Variants in ZNF236 observed in about 807,000 individuals in gnomAD.
ZNF236 encodes the protein regulated by glucose.
In ZNF236, 50 loss-of-function variants were observed where a neutral mutation model predicts 191.2. The observed-to-expected ratio is 0.26, with a 90% CI of 0.21 to 0.33. The LOEUF (loss-of-function observed/expected upper bound fraction) is 0.33, where lower values mean the gene tolerates loss of function less well. Ranked by LOEUF, ZNF236 falls within the 10% of genes least tolerant of loss-of-function variation. The probability of loss-of-function intolerance (pLI) is 1.00; values close to 1 mark genes in which losing one functional copy is unlikely to be tolerated. For missense variants in ZNF236, 1,754 were observed against 2,374.5 expected (o/e 0.74, Z 5.43); for synonymous variants, 907 against 928.8 (o/e 0.98, Z 0.43).
At chr18:76,959,309 G>A (rs1176797361) in intron 28 of ZNF236, among the ~76,000 whole-genome samples, 4 of 152,172 alleles carry the variant, frequency 2.6e-5, no homozygotes. Context: ...TGTGTGAAAC[G>A]GGGACAGGAT....
chr18:76,955,807 G>C (rs935177545), intron 27 of ZNF236, among the ~76,000 whole-genome samples, 178 bp from the exon 28 acceptor site: 1 of 152,188 alleles, frequency 6.6e-6, no homozygotes. Flanking sequence ...TGTGCATTCT[G>C]GTCTCATATT....
intron 11 of ZNF236, among the ~76,000 whole-genome samples, chr18:76,899,721 A>T (rs1977534867): frequency 1.3e-5 from 2 of 152,210 alleles, no homozygotes; most frequent in Non-Finnish European, 2.9e-5. Context: ...TTTGTTGATG[A>T]TCTAGAAAGA....
intron 1 of ZNF236, among the ~76,000 whole-genome samples, chr18:76,826,069 A>G (rs1245680016): frequency 6.6e-6 from 1 of 152,018 alleles, no homozygotes; most frequent in African/African-American, 2.4e-5. Flanking sequence ...TCTGCAAGGG[A>G]TGTAGGGATT....
chr18:76,860,294 C>T (rs1463239899), intron 3 of ZNF236, among the ~76,000 whole-genome samples: 1 of 152,110 alleles, frequency 6.6e-6, no homozygotes, highest in Non-Finnish European at 1.5e-5. Context: ...CAAAGATTAC[C>T]TCTAAGGCTA....
intron 1 of ZNF236, among the ~76,000 whole-genome samples, chr18:76,835,971 A>G (rs762023150): frequency 7.2e-5 from 11 of 151,992 alleles, no homozygotes; most frequent in Non-Finnish European, 4.4e-5. Flanking sequence ...GCATTGGCAC[A>G]ATCTTGGCCC....
Position 76,881,264 on chromosome 18 carries a change from T to C in ZNF236, c.1189-20T>C, listed in dbSNP as rs1222097510. 6.2e-7 allele frequency: 1 copy of C among 1,607,098 alleles called. No homozygotes were observed. Among genetic ancestry groups the C allele is most frequent in the African/African-American group, 1.3e-5 (1 of 74,586 alleles). ...TGGGCCATCGTTACCTTCTAACCTT[T>C]TAGTTTTGTTCTGTCTTAGCAAGCC... On this transcript the variant is annotated intron_variant, in intron 8 of 30. Transcript: ENST00000320610.
At chr18:76,856,426 A>G (rs1401793563) in intron 3 of ZNF236, among the ~76,000 whole-genome samples, 7 of 151,658 alleles carry the variant, frequency 4.6e-5, no homozygotes, top group Non-Finnish European at 1.0e-4. Flanking sequence ...CAGGTGATCC[A>G]CCCGCCTTGG....
At chr18:76,939,927 G>A (rs531827819) in intron 26 of ZNF236, among the ~76,000 whole-genome samples, 1 of 108,774 alleles carries the variant, frequency 9.2e-6, no homozygotes, top group African/African-American at 3.7e-5. Flanking sequence ...CACGGTGGGC[G>A]ACCCTAGCAC....
chr18:76,868,726 G>A lies in ZNF236; in HGVS notation c.405G>A (p.Gln135=), dbSNP rs1976494924. Residue 135 remains glutamine, a synonymous_variant, in exon 4 of 31, where the codon CAG becomes CAA. Transcript: ENST00000320610. ...AGTGTGGGGATGAGTTTACTCTGCA[G>A]AGTCAGCTGGCCGTGCACATGGAGG... ...CSECGDEFTL[Q]SQLAVHMEEH... The A allele has an allele frequency of 1.2e-6, 2 of 1,613,776 alleles. No individual in the cohort carries two copies. The highest frequency in any genetic ancestry group is 8.5e-7 in the Non-Finnish European group (1 of 1,179,820).
Position 76,956,189 on chromosome 18 carries a change from C to T in ZNF236, c.5112+7C>T. The T allele has an allele frequency of 6.5e-7, 1 of 1,544,510 alleles. No homozygotes were observed. Among genetic ancestry groups the T allele is most frequent in the East Asian group, 2.4e-5 (1 of 41,016 alleles). ...GCGCGCCACGCACCTCAAGGTAGGC[C>T]CACTGTGCCAGGGCACAGCTGTGTG... On this transcript the variant is annotated splice_region_variant and intron_variant, in intron 28 of 30. Coordinates refer to ENST00000320610, the MANE Select transcript of ZNF236 (RefSeq NM_001306089.2).
At chr18:76,900,985 A>G (rs1977573690) in intron 11 of ZNF236, among the ~76,000 whole-genome samples, 1 of 152,298 alleles carries the variant, frequency 6.6e-6, no homozygotes, top group South Asian at 2.1e-4. Context: ...CACAGTGCAC[A>G]ATAGGGTTCG....
intron 20 of ZNF236, 86 bp downstream of exon 20, chr18:76,920,144 G>T (rs1019702643): frequency 2.0e-6 from 3 of 1,464,910 alleles, no homozygotes; most frequent in Non-Finnish European, 2.7e-6. Context: ...CACTGCAGCA[G>T]GGCCATTAGT....
At chr18:76,912,210 A>C in intron 16 of ZNF236, 34 bp from the exon 17 acceptor site, 1 of 1,482,158 alleles carries the variant, frequency 6.7e-7, no homozygotes, top group Non-Finnish European at 9.4e-7. Context: ...ACAGATATTC[A>C]AGTAGTTTGC....
At position 76,925,145 on chromosome 18, in the gene ZNF236, C is replaced by T. The variant is rs562392059; in HGVS notation, c.3662-44C>T. The T allele has an allele frequency of 4.3e-5, 68 of 1,586,184 alleles. No homozygotes were observed. The highest frequency in any genetic ancestry group is 6.7e-5 in the East Asian group (3 of 44,504). On this transcript the variant is annotated intron_variant, in intron 21 of 30. Coordinates refer to ENST00000320610, the MANE Select transcript of ZNF236 (RefSeq NM_001306089.2). This position sits in a 1 kb window ranked among gnomAD's most constrained non-coding sequence, Gnocchi z 5.7. The stretch of plus-strand genomic sequence containing the variant: ...CTGAGTGGGGTGGGGGTGAGTGTCG[C>T]GACTGCCATCGCCTCTGTTGATTCT...
At chr18:76,860,834 C>T (rs1288408863) in intron 3 of ZNF236, among the ~76,000 whole-genome samples, 1 of 152,110 alleles carries the variant, frequency 6.6e-6, no homozygotes, top group Non-Finnish European at 1.5e-5. Context: ...TACTACTCAC[C>T]CCTGCTTCTG....
intron 16 of ZNF236, 83 bp from the exon 17 acceptor site, chr18:76,912,161 T>C (rs1967233135): frequency 1.0e-6 from 1 of 991,224 alleles, no homozygotes; most frequent in Non-Finnish European, 1.5e-6. Flanking sequence ...AATGTTCTTA[T>C]CCTTAGTTCT....
chr18:76,918,550 G>T (rs925444856), intron 19 of ZNF236, among the ~76,000 whole-genome samples: 1 of 152,126 alleles, frequency 6.6e-6, no homozygotes, highest in African/African-American at 2.4e-5. Context: ...TCAGGCTCCT[G>T]AGTAGCAGGG....
At chr18:76,854,584 CA>C (rs11381479) in intron 3 of ZNF236, among the ~76,000 whole-genome samples, 48 of 143,622 alleles carry the variant, frequency 3.3e-4, no homozygotes, top group South Asian at 2.2e-3. Flanking sequence ...ACTGTCACTA[CA>C]AAAAAAAAAA....
At chr18:76,830,956 T>C (rs1975153450) in intron 1 of ZNF236, among the ~76,000 whole-genome samples, 1 of 152,236 alleles carries the variant, frequency 6.6e-6, no homozygotes, top group Non-Finnish European at 1.5e-5. Context: ...GTTTCATGCT[T>C]ACCCAAAATT....
Sources: gnomAD v4.1 joint callset for allele counts (sites outside exome capture counted in the v4.1 genomes callset) on GRCh38, gnomAD v4.1.1 for gene constraint, Gnocchi (gnomAD v3.1) non-coding constraint, MANE v1.5 for transcripts, NCBI Gene and HGNC (gene_info 2026-07-23, HGNC 2026-07-21) for gene names.